Variants in ATXN1 observed in about 807,000 individuals in gnomAD.
ATXN1 encodes ataxin-1.
ATXN1 carries 8 observed loss-of-function variants against 56.4 expected under a neutral mutation model. The ratio of observed to expected loss-of-function variants is 0.14; its 90% CI spans 0.08 to 0.26. The LOEUF (loss-of-function observed/expected upper bound fraction) is 0.26. Ranked by LOEUF, ATXN1 falls within the 10% of genes least tolerant of loss-of-function variation. ATXN1 has a pLI of 1.00. For synonymous variants in ATXN1, 514 were observed against 494.6 expected (o/e 1.04, Z -0.52); for missense variants, 987 against 1,106.5 (o/e 0.89, Z 1.53).
At chr6:16,417,550 T>G (rs933496786) in intron 6 of ATXN1, among the ~76,000 whole-genome samples, 2 of 152,068 alleles carry the variant, frequency 1.3e-5, no homozygotes, top group Non-Finnish European at 2.9e-5. Flanking sequence ...GCGATTGTCC[T>G]GCCTCAGCCT....
At chr6:16,412,185 T>C (rs963997859) in intron 6 of ATXN1, among the ~76,000 whole-genome samples, 3 of 152,242 alleles carry the variant, frequency 2.0e-5, no homozygotes, top group African/African-American at 7.2e-5. Flanking sequence ...GAGAAACCTT[T>C]CTAAAAGCCT....
In ATXN1 at chr6:16,610,527, G is replaced by T. The variant is rs143786882; in HGVS notation, c.-488-24620C>A. On this transcript the variant is annotated intron_variant, in intron 3 of 7. Coordinates refer to ENST00000436367, the MANE Select transcript of ATXN1 (RefSeq NM_001128164.2). ...CAACTACACAGCTCTAATGGCAAAG[G>T]GTTCTGATACAAAAATTCCAAACTA... Among the ~76,000 whole-genome samples, 968 of 151,972 alleles carry T rather than the reference G, an allele frequency of 6.4e-3. 10 individuals carry two copies. The highest frequency in any genetic ancestry group is 0.021 in the African/African-American group (868 of 41,470).
In ATXN1 at chr6:16,610,795, G is replaced by A. The variant is rs111311176; in HGVS notation, c.-488-24888C>T. Among the ~76,000 whole-genome samples the A allele has an allele frequency of 3.3e-5, 5 of 151,974 alleles. 1 individual carries two copies. Among genetic ancestry groups the A allele is most frequent in the African/African-American group, 1.2e-4 (5 of 41,444 alleles). ...TCCCAGAACTTTGGGAGGCCGAGGT[G>A]GGAGGATTGCTTGAGGCCAAGAGTT... On this transcript the variant is annotated intron_variant, in intron 3 of 7. Transcript: ENST00000436367.
At chr6:16,493,715 A>G (rs943707806) in intron 5 of ATXN1, among the ~76,000 whole-genome samples, 5 of 152,158 alleles carry the variant, frequency 3.3e-5, no homozygotes, top group African/African-American at 1.2e-4. Flanking sequence ...ATTATACTTG[A>G]AGACGTTATA....
intron 3 of ATXN1, among the ~76,000 whole-genome samples, chr6:16,597,412 G>T (rs993304133): frequency 2.0e-5 from 3 of 151,630 alleles, no homozygotes; most frequent in African/African-American, 7.3e-5. Context: ...TGAGAATACT[G>T]CTGGTCCTCA....
At chr6:16,576,825 G>A (rs979613289) in intron 4 of ATXN1, among the ~76,000 whole-genome samples, 1 of 152,048 alleles carries the variant, frequency 6.6e-6, no homozygotes, top group Admixed American at 6.5e-5. Context: ...AATACAGCTG[G>A]CCCCACCCCG....
intron 2 of ATXN1, among the ~76,000 whole-genome samples, chr6:16,661,188 G>A (rs944995814): frequency 2.6e-5 from 4 of 151,884 alleles, no homozygotes; most frequent in African/African-American, 4.8e-5. Flanking sequence ...CTGGCTCTTC[G>A]TTTCGAAAGA....
intron 6 of ATXN1, among the ~76,000 whole-genome samples, chr6:16,469,696 G>C (rs1199547607): frequency 2.6e-5 from 4 of 152,312 alleles, no homozygotes; most frequent in African/African-American, 9.6e-5. Flanking sequence ...GGGTGCGGTG[G>C]CTCATGCCTG....
intron 2 of ATXN1, among the ~76,000 whole-genome samples, chr6:16,717,914 A>G (rs568497814): frequency 6.6e-6 from 1 of 152,364 alleles, no homozygotes; most frequent in Non-Finnish European, 1.5e-5. Flanking sequence ...GCTGTTTAGG[A>G]TGATGAAGCC....
chr6:16,637,244 G>A (rs1408552083), intron 3 of ATXN1, among the ~76,000 whole-genome samples: 1 of 150,864 alleles, frequency 6.6e-6, no homozygotes, highest in Non-Finnish European at 1.5e-5. Context: ...ATTATCGCAA[G>A]GACAAAAAAC....
chr6:16,481,474 C>T (rs909159374), intron 6 of ATXN1, among the ~76,000 whole-genome samples: 4 of 152,146 alleles, frequency 2.6e-5, no homozygotes, highest in African/African-American at 9.7e-5. Flanking sequence ...CAGCATAATG[C>T]TGTTTACACA....
chr6:16,662,794 TA>T (rs764355216), intron 2 of ATXN1, among the ~76,000 whole-genome samples: 5 of 152,230 alleles, frequency 3.3e-5, no homozygotes, highest in Non-Finnish European at 2.9e-5. Context: ...TCAGTCTGGT[TA>T]ATTTGCGTCA....
rs550215492 is a variant in ATXN1, at chr6:16,675,842, T to C, written c.-614-17941A>G. ...AGGTGGAGGCTGCAGTGAGCCAAGATTGCACCACTGCACTCCAGCCTGGGT... is the reference window on the plus strand; with the variant it reads ...AGGTGGAGGCTGCAGTGAGCCAAGACTGCACCACTGCACTCCAGCCTGGGT... On this transcript the variant is annotated intron_variant, in intron 2 of 7. Coordinates refer to ENST00000436367, the MANE Select transcript of ATXN1 (RefSeq NM_001128164.2). Among the ~76,000 whole-genome samples the C allele has an allele frequency of 4.7e-4, 72 of 152,152 alleles. 3 individuals carry two copies. In the South Asian group the frequency reaches 0.013, roughly 28 times the overall value.
intron 2 of ATXN1, among the ~76,000 whole-genome samples, chr6:16,734,085 G>C (rs894421676): frequency 4.6e-5 from 7 of 152,024 alleles, no homozygotes; most frequent in African/African-American, 1.7e-4. Context: ...GACAGAGTGA[G>C]ACCCCATATA....
At chr6:16,562,586 G>C (rs1308742869) in intron 4 of ATXN1, among the ~76,000 whole-genome samples, 1 of 152,048 alleles carries the variant, frequency 6.6e-6, no homozygotes, top group African/African-American at 2.4e-5. Context: ...AGGAAATACA[G>C]CCCAGAGGTC....
At chr6:16,451,338 C>T (rs1243319609) in intron 6 of ATXN1, among the ~76,000 whole-genome samples, 2 of 152,142 alleles carry the variant, frequency 1.3e-5, no homozygotes, top group African/African-American at 4.8e-5. Context: ...ACTGAAAATA[C>T]AAAAATTAGT....
At chr6:16,489,736 T>G (rs368879988) in intron 5 of ATXN1, among the ~76,000 whole-genome samples, 1 of 152,114 alleles carries the variant, frequency 6.6e-6, no homozygotes. Flanking sequence ...GAAGGTGGCT[T>G]GAGCTCAGGA....
chr6:16,510,733 G>C (rs1160092930), intron 5 of ATXN1, among the ~76,000 whole-genome samples: 1 of 150,686 alleles, frequency 6.6e-6, no homozygotes, highest in East Asian at 1.9e-4. Flanking sequence ...GTGAGGCCCT[G>C]TCTCATAAAT....
chr6:16,759,106 T>C (rs532258908), intron 1 of ATXN1, among the ~76,000 whole-genome samples: 14 of 152,338 alleles, frequency 9.2e-5, no homozygotes, highest in Admixed American at 8.5e-4. Context: ...CAGCTAACAC[T>C]GTTGAAAAAG....
Sources: allele counts gnomAD v4.1 joint callset (sites outside exome capture counted in the v4.1 genomes callset), GRCh38; gene constraint gnomAD v4.1.1; transcripts MANE v1.5; gene names NCBI Gene and HGNC (gene_info 2026-07-23, HGNC 2026-07-21).